The following TOGARAM1 variants were observed in gnomAD, a reference collection of about 807,000 sequenced individuals.
TOGARAM1 encodes the protein TOG array regulator of axonemal microtubules 1.
A neutral mutation model predicts 166.6 loss-of-function variants in TOGARAM1; 100 were observed. The ratio of observed to expected loss-of-function variants is 0.60; its 90% CI spans 0.51 to 0.71. The LOEUF (loss-of-function observed/expected upper bound fraction) is 0.71, where lower values mean the gene tolerates loss of function less well. Among genes scored for constraint, TOGARAM1 ranks in the 30% least tolerant of loss-of-function variants. The pLI is 0.00. For synonymous variants in TOGARAM1, 758 were observed against 763.8 expected (o/e 0.99, Z 0.13); for missense variants, 2,029 against 2,102.7 (o/e 0.96, Z 0.69).
intron 3 of TOGARAM1, among the ~76,000 whole-genome samples, chr14:45,000,507 A>T (rs1887647474): frequency 6.6e-6 from 1 of 152,130 alleles, no homozygotes; most frequent in African/African-American, 2.4e-5. Context: ...CTCCATTTCT[A>T]TCTAGGTTAT....
intron 7 of TOGARAM1, among the ~76,000 whole-genome samples, chr14:45,018,396 C>G (rs886353821): frequency 1.3e-5 from 2 of 152,068 alleles, no homozygotes; most frequent in Admixed American, 1.3e-4. Context: ...CATGCCACCA[C>G]GCCTGGGTAA....
intron 1 of TOGARAM1, among the ~76,000 whole-genome samples, chr14:44,989,896 A>G (rs1274653680): frequency 6.6e-6 from 1 of 152,222 alleles, no homozygotes; most frequent in East Asian, 1.9e-4. Context: ...ACTTACAATC[A>G]TAGTGGAAGG....
intron 1 of TOGARAM1, among the ~76,000 whole-genome samples, chr14:44,974,038 T>A (rs983248734): frequency 1.3e-5 from 2 of 151,976 alleles, no homozygotes; most frequent in African/African-American, 4.8e-5. Flanking sequence ...GTTTCCTAGA[T>A]CTGTGGTTAG....
At position 44,962,622 on chromosome 14, in the gene TOGARAM1, G is replaced by C. The variant is rs79258150; in HGVS notation, c.201G>C (p.Leu67=). The C allele has an allele frequency of 1.4e-5, 23 of 1,613,820 alleles. No homozygotes were observed. In the East Asian group the frequency reaches 4.9e-4, roughly 34 times the overall value. ...CCTGCCCCACTACAACTTCGCCTCT[G>C]GCCTCGGCCCTCTTGATGCCCTCGG... The part of the protein sequence containing the change: ...HGSCPTTTSP[L]ASALLMPSEA... The change falls in exon 1 of 20, where the codon CTG becomes CTC. Residue 67 remains leucine (L), a synonymous_variant. Coordinates refer to ENST00000361462, the MANE Select transcript of TOGARAM1 (RefSeq NM_001308120.2).
chr14:45,038,344 C>A (rs974488206), intron 11 of TOGARAM1, among the ~76,000 whole-genome samples: 1 of 152,248 alleles, frequency 6.6e-6, no homozygotes, highest in South Asian at 2.1e-4. Context: ...CTTGGCCTCC[C>A]AGGCTGTGCT....
At chr14:45,007,218 A>C (rs1397571839) in intron 5 of TOGARAM1, 2 of 152,106 alleles carry the variant, frequency 1.3e-5, no homozygotes, top group African/African-American at 4.8e-5. Context: ...TTCATTTTTA[A>C]CATATGTCTT....
At chr14:45,003,317 T>G (rs1035575529) in intron 3 of TOGARAM1, among the ~76,000 whole-genome samples, 24 of 148,488 alleles carry the variant, frequency 1.6e-4, no homozygotes, top group African/African-American at 5.9e-4. Context: ...AAAGGAAAAC[T>G]TAAGGGAACC....
intron 1 of TOGARAM1, among the ~76,000 whole-genome samples, chr14:44,968,599 A>G (rs970902537): frequency 6.6e-6 from 1 of 152,206 alleles, no homozygotes; most frequent in Non-Finnish European, 1.5e-5. Context: ...TTCAACAGAG[A>G]GTACAGATAG....
At chr14:45,059,434 G>A (rs1030688089) in intron 16 of TOGARAM1, among the ~76,000 whole-genome samples, 6 of 152,200 alleles carry the variant, frequency 3.9e-5, no homozygotes, top group Non-Finnish European at 7.3e-5. Flanking sequence ...GATTGCCTGA[G>A]CTCAGAAGTT....
chr14:45,060,037 T>C (rs1437937650), intron 16 of TOGARAM1, among the ~76,000 whole-genome samples: 1 of 151,284 alleles, frequency 6.6e-6, no homozygotes, highest in Non-Finnish European at 1.5e-5. Context: ...CCCAGCCTCC[T>C]GAGTAGCTGG....
rs948084781 is a variant in TOGARAM1, at chr14:44,963,175, G to A, written c.754G>A (p.Asp252Asn). 1 of 1,614,162 alleles carries A rather than the reference G, an allele frequency of 6.2e-7. No individual in the cohort carries two copies. Among genetic ancestry groups the A allele is most frequent in the South Asian group, 1.1e-5 (1 of 91,088 alleles). Residue 252 changes from aspartate to asparagine, a missense_variant, in exon 1 of 20, where the codon GAT becomes AAT. Physicochemically the swap from Asp to Asn is conservative, Grantham distance 23. Coordinates refer to ENST00000361462, the MANE Select transcript of TOGARAM1 (RefSeq NM_001308120.2). ...TACTGAGGACTTGTTGCTTGGTCTG[G>A]ATCTCACCGAGGTGATAATATCCCT... ...LTTEDLLLGLDLTEVIISLAR... is the reference protein window; with the variant it reads ...LTTEDLLLGLNLTEVIISLAR...
intron 10 of TOGARAM1, 110 bp from the exon 11 acceptor site, chr14:45,032,113 T>C: frequency 1.1e-6 from 1 of 928,058 alleles, no homozygotes; most frequent in Non-Finnish European, 1.6e-6. Context: ...TGAGCTAAGA[T>C]CGTACTACTG....
chr14:44,963,488 A>G lies in TOGARAM1; in HGVS notation c.1067A>G (p.His356Arg), dbSNP rs1389099395. The G allele has an allele frequency of 2.5e-6, 4 of 1,614,220 alleles. No homozygotes were observed. The highest frequency in any genetic ancestry group is 3.4e-6 in the Non-Finnish European group (4 of 1,180,040). ...TTTGGGATTATTCCTCAGGAGCTGCATTCACGATTATTGGATCAGGAAGAC... is the reference window on the plus strand; with the variant it reads ...TTTGGGATTATTCCTCAGGAGCTGCGTTCACGATTATTGGATCAGGAAGAC... ...LKFGIIPQEL[H>R]SRLLDQEDYK... The change falls in exon 1 of 20, where the codon CAT becomes CGT. Residue 356 changes from histidine (H) to arginine (R), a missense_variant. His to Arg is a conservative substitution (Grantham distance 29). Transcript: ENST00000361462.
rs189072324 is a variant in TOGARAM1 at position 44,999,751 on chromosome 14, A to G, written c.2338+254A>G. Among the ~76,000 whole-genome samples the G allele has an allele frequency of 3.9e-4, 59 of 152,286 alleles. No individual in the cohort carries two copies. In the South Asian group the frequency reaches 4.1e-3, roughly 11 times the overall value. On this transcript the variant is annotated intron_variant, in intron 3 of 19. Transcript: ENST00000361462. The stretch of plus-strand genomic sequence containing the variant: ...ATGAGTATTGCATTTGCTTTGATAT[A>G]TACATAATAGTGGTACATATTTGTG...
intron 10 of TOGARAM1, 50 bp from the exon 11 acceptor site, chr14:45,032,173 T>TG: frequency 1.3e-6 from 2 of 1,542,256 alleles, no homozygotes; most frequent in Non-Finnish European, 1.8e-6. Context: ...AAGATAAAAA[T>TG]TTTTTTTAAA....
chr14:45,028,184 T>G lies in TOGARAM1; in HGVS notation c.3513T>G (p.Val1171=). The G allele has an allele frequency of 6.4e-7, 1 of 1,570,484 alleles. No homozygotes were observed. Among genetic ancestry groups the G allele is most frequent in the Non-Finnish European group, 8.6e-7 (1 of 1,166,750 alleles). Reference sequence around the variant, plus strand: ...TCAACTTTTTCATGCAGGCTAAAGTTTCTATTTCTAAATCTACTTATAACA... The same window carrying G: ...TCAACTTTTTCATGCAGGCTAAAGTGTCTATTTCTAAATCTACTTATAACA... ...LDVENEKDAK[V]SISKSTYNKM... is the part of the protein sequence containing the mutation. The change falls in exon 10 of 20, where the codon GTT becomes GTG. Residue 1171 remains valine, a synonymous_variant. Coordinates refer to ENST00000361462, the MANE Select transcript of TOGARAM1 (RefSeq NM_001308120.2).
chr14:45,032,101 A>G (rs1276797636), intron 10 of TOGARAM1, 122 bp from the exon 11 acceptor site: 1 of 771,582 alleles, frequency 1.3e-6, no homozygotes, highest in African/African-American at 1.8e-5. Context: ...TGGAGGTTGC[A>G]GTGAGCTAAG....
At position 45,009,076 on chromosome 14, in the gene TOGARAM1, A is replaced by G. The variant is rs1317747450; in HGVS notation, c.3068A>G (p.Glu1023Gly). ...TCACCAAACATCAATTCTTACAGTG[A>G]AAGTGGAGTTTACAGCCAAGAATCA... The part of the protein sequence containing the change: ...SSSPNINSYS[E>G]SGVYSQESLT... Residue 1023 changes from glutamate (E) to glycine (G), a missense_variant, in exon 6 of 20, where the codon GAA becomes GGA. This residue lies in a region of TOGARAM1 where 1,453 missense variants were observed against 1,432.2 expected (regional missense o/e 1.01). Coordinates refer to ENST00000361462, the MANE Select transcript of TOGARAM1 (RefSeq NM_001308120.2). The G allele has an allele frequency of 6.2e-7, 1 of 1,613,996 alleles. No homozygotes were observed. The highest frequency in any genetic ancestry group is 1.3e-5 in the African/African-American group (1 of 74,922).
intron 1 of TOGARAM1, among the ~76,000 whole-genome samples, chr14:44,978,570 C>T (rs1420295970): frequency 6.6e-6 from 1 of 151,982 alleles, no homozygotes; most frequent in Non-Finnish European, 1.5e-5. Context: ...TTTGGGAGGC[C>T]AAGGCAGAAG....
Sources: allele counts gnomAD v4.1 joint callset (sites outside exome capture counted in the v4.1 genomes callset), GRCh38; gene constraint gnomAD v4.1.1; regional missense constraint gnomAD v4.1.1; transcripts MANE v1.5; gene names NCBI Gene and HGNC (gene_info 2026-07-23, HGNC 2026-07-21).